Variants in C1S observed in about 807,000 individuals in gnomAD.
C1S encodes complement C1s.
In C1S, 31 loss-of-function variants were observed where a neutral mutation model predicts 54.0. The ratio of observed to expected loss-of-function variants is 0.57; its 90% CI spans 0.43 to 0.78. The LOEUF is 0.78. Ranked by LOEUF, C1S falls within the 30% of genes least tolerant of loss-of-function variation. C1S has a pLI of 0.00. For missense variants in C1S, 727 were observed against 851.8 expected (o/e 0.85, Z 1.82); for synonymous variants, 292 against 303.6 (o/e 0.96, Z 0.40).
At chr12:7,061,509 C>T (rs1474338670) in intron 1 of C1S, 10 of 345,888 alleles carry the variant, frequency 2.9e-5, no homozygotes, top group Non-Finnish European at 5.1e-5. Context: ...TTCTTGAGGG[C>T]AGGAGAGAGA....
chr12:7,063,889 A>C (rs1315493619), intron 4 of C1S: 3 of 408,834 alleles, frequency 7.3e-6, no homozygotes, highest in African/African-American at 6.2e-5. Context: ...AACCAGGCAT[A>C]GTGGTGGTGC....
chr12:7,065,930 AG>A lies in C1S; in HGVS notation c.834del (p.Gln279LysfsTer41). Reference protein sequence around the residue: ...LDIIFQTDLTGQKKGWKLRYH... With the variant: ...LDIIFQTDLTXQKKGWKLRYH... ...ATATCATCTTCCAAACTGATCTAAC[AG>A]GGCAAAAAAAGGGCTGGAAACTTCG... is the stretch of plus-strand genomic sequence containing the variant. On this transcript the variant is annotated frameshift_variant, in exon 7 of 12. Coordinates refer to ENST00000360817, the MANE Select transcript of C1S (RefSeq NM_001734.5). LOFTEE classifies it high-confidence loss of function. The A allele has an allele frequency of 6.2e-7, 1 of 1,614,058 alleles. No homozygotes were observed. Among genetic ancestry groups the A allele is most frequent in the Non-Finnish European group, 8.5e-7 (1 of 1,179,904 alleles).
In C1S at chr12:7,070,588, A is replaced by G. The variant is rs1555163123; in HGVS notation, c.2004A>G (p.Val668=). 1 of 1,614,172 alleles carries G rather than the reference A, an allele frequency of 6.2e-7. No individual in the cohort carries two copies. Among genetic ancestry groups the G allele is most frequent in the African/African-American group, 1.3e-5 (1 of 75,042 alleles). ...GGACCTATGGGCTCTACACACGGGT[A>G]AAGAACTATGTTGACTGGATAATGA... ...QCGTYGLYTR[V]KNYVDWIMKT... is the part of the protein sequence containing the mutation. Residue 668 remains valine (V), a synonymous_variant, in exon 12 of 12, where the codon GTA becomes GTG. Coordinates refer to ENST00000360817, the MANE Select transcript of C1S (RefSeq NM_001734.5). The surrounding 1 kb of genome is among the most constrained non-coding windows in gnomAD (Gnocchi z 4.9).
At chr12:7,064,566 T>TG (rs34056703) in intron 5 of C1S, among the ~76,000 whole-genome samples, 174 bp downstream of exon 5, 3 of 152,162 alleles carry the variant, frequency 2.0e-5, no homozygotes, top group Admixed American at 2.0e-4. Flanking sequence ...TCAATAGTTT[T>TG]GGGGGTACTG....
chr12:7,064,248 C>T lies in C1S; in HGVS notation c.392-19C>T. On this transcript the variant is annotated intron_variant, in intron 4 of 11. Transcript: ENST00000360817. The stretch of plus-strand genomic sequence containing the variant: ...CTTGGTGTTTGTTCTTGACCTCAGC[C>T]TCTTTCTACTCTTTGTAGACATAAA... 6.2e-7 allele frequency: 1 copy of T among 1,613,784 alleles called. No individual in the cohort carries two copies. Among genetic ancestry groups the T allele is most frequent in the Non-Finnish European group, 8.5e-7 (1 of 1,179,746 alleles).
In C1S at chr12:7,061,767, A is replaced by C. The variant is rs1261781264; in HGVS notation, c.-74-72A>C. On this transcript the variant is annotated intron_variant, in intron 1 of 11. Coordinates refer to ENST00000360817, the MANE Select transcript of C1S (RefSeq NM_001734.5). ...ACCTTTGAAGGTGACACTGAGCCCCAGGTGACGCCGCACCACCAAAGAAGG... is the reference window on the plus strand; with the variant it reads ...ACCTTTGAAGGTGACACTGAGCCCCCGGTGACGCCGCACCACCAAAGAAGG... The C allele has an allele frequency of 1.5e-5, 12 of 804,294 alleles. No homozygotes were observed. In the African/African-American group the frequency reaches 1.9e-4, roughly 13 times the overall value. The allele number at this position is 804,294 out of a possible 1,614,324, so 49.8% of individuals were successfully genotyped here.
At position 7,066,801 on chromosome 12, in the gene C1S, G is replaced by A. The variant is rs1225851755; in HGVS notation, c.987+168G>A. The A allele has an allele frequency of 8.5e-6, 6 of 709,570 alleles. No individual in the cohort carries two copies. The African/African-American group carries it at 8.8e-5, about 10-fold the overall frequency. 44.0% of individuals were successfully genotyped at this position (709,570 alleles called of 1,614,324 possible). On this transcript the variant is annotated intron_variant, in intron 8 of 11. Transcript: ENST00000360817. ...GTTCTCCCTTGTGAGTCATGGAGCT[G>A]CCTGGCCAGCTTGGCATTCTCTCTG...
At chr12:7,065,705 T>G in intron 6 of C1S, 112 bp from the exon 7 acceptor site, 1 of 932,308 alleles carries the variant, frequency 1.1e-6, no homozygotes, top group South Asian at 1.3e-5. Flanking sequence ...GACCCTTATT[T>G]TCTTCTTATT....
Position 7,063,039 on chromosome 12 carries a change from G to A in C1S, c.363G>A (p.Thr121=), listed in dbSNP as rs782348549. The part of the protein sequence containing the change: ...KSDFSNEERF[T]GFAAYYVATD... Reference sequence around the variant, plus strand: ...ACTTTTCCAATGAAGAGCGTTTTACGGGGTTTGCTGCATACTATGTTGCCA... The same window carrying A: ...ACTTTTCCAATGAAGAGCGTTTTACAGGGTTTGCTGCATACTATGTTGCCA... The change falls in exon 4 of 12, where the codon ACG becomes ACA. Residue 121 remains threonine (T), a synonymous_variant. Coordinates refer to ENST00000360817, the MANE Select transcript of C1S (RefSeq NM_001734.5). The A allele has an allele frequency of 1.1e-5, 18 of 1,613,668 alleles. No homozygotes were observed. The highest frequency in any genetic ancestry group is 1.0e-4 in the Admixed American group (6 of 59,998).
chr12:7,062,261 AAC>A, intron 2 of C1S: 2 of 543,158 alleles, frequency 3.7e-6, no homozygotes, highest in Non-Finnish European at 6.3e-6. Flanking sequence ...ACAGAGTGAG[AAC>A]CTGTCTCAAA....
intron 9 of C1S, 182 bp from the exon 10 acceptor site, chr12:7,067,461 G>T: frequency 1.3e-6 from 1 of 761,362 alleles, no homozygotes; most frequent in Non-Finnish European, 2.4e-6. Flanking sequence ...ATCTCAGCGG[G>T]TGAGAGAGCT....
intron 2 of C1S, 131 bp downstream of exon 2, chr12:7,062,048 T>C: frequency 1.1e-6 from 1 of 887,874 alleles, no homozygotes; most frequent in African/African-American, 1.6e-5. Flanking sequence ...GGCGGGAGGA[T>C]TGCTTGAGCC....
chr12:7,068,558 A>C, intron 11 of C1S, 28 bp downstream of exon 11: 1 of 1,514,406 alleles, frequency 6.6e-7, no homozygotes, highest in Non-Finnish European at 9.2e-7. Context: ...TTGGGGAGAG[A>C]TGATAGCCAT....
In C1S at chr12:7,063,030, G is replaced by A; in HGVS notation, c.354G>A (p.Glu118=). 6.2e-7 allele frequency: 1 copy of A among 1,614,008 alleles called. No individual in the cohort carries two copies. Among genetic ancestry groups the A allele is most frequent in the Non-Finnish European group, 8.5e-7 (1 of 1,180,028 alleles). ...VIFKSDFSNE[E]RFTGFAAYYV... ...TTAAGTCAGACTTTTCCAATGAAGA[G>A]CGTTTTACGGGGTTTGCTGCATACT... is the stretch of plus-strand genomic sequence containing the variant. Residue 118 remains glutamate (E), a synonymous_variant, in exon 4 of 12, where the codon GAG becomes GAA. Transcript: ENST00000360817.
chr12:7,066,084 CG>C, intron 7 of C1S, 114 bp downstream of exon 7: 1 of 988,154 alleles, frequency 1.0e-6, no homozygotes, highest in Admixed American at 1.8e-5. Context: ...TCTCAGCTAC[CG>C]AGGGAGGCTG....
At chr12:7,066,191 C>G (rs1555162191) in intron 7 of C1S, 2 of 614,296 alleles carry the variant, frequency 3.3e-6, no homozygotes, top group South Asian at 1.9e-5. Flanking sequence ...AAAAACAAAG[C>G]AACAATAATT....
At position 7,069,894 on chromosome 12, in the gene C1S, G is replaced by T; in HGVS notation, c.1310G>T (p.Arg437Met). 1 of 1,614,180 alleles carries T rather than the reference G, an allele frequency of 6.2e-7. No homozygotes were observed. Among genetic ancestry groups the T allele is most frequent in the Non-Finnish European group, 8.5e-7 (1 of 1,180,032 alleles). The change falls in exon 12 of 12, where the codon AGG becomes ATG. Residue 437 changes from arginine (R) to methionine (M), a missense_variant. Physicochemically the swap from Arg to Met is moderately conservative, Grantham distance 91. Transcript: ENST00000360817. ...VPREPFEEKQ[R>M]IIGGSDADIK... is the part of the protein sequence containing the mutation. ...AGAGAACCCTTTGAAGAAAAACAGA[G>T]GATAATTGGAGGATCCGATGCAGAT...
At position 7,070,801 on chromosome 12, in the gene C1S, G is replaced by C; in HGVS notation, c.*150G>C. On this transcript the variant is annotated 3_prime_UTR_variant, in exon 12 of 12. Coordinates refer to ENST00000360817, the MANE Select transcript of C1S (RefSeq NM_001734.5). The surrounding 1 kb of genome is among the most constrained non-coding windows in gnomAD (Gnocchi z 4.9). The stretch of plus-strand genomic sequence containing the variant: ...TGATTGTTGAGACGCCTTGCTAGAG[G>C]TAGAGTTTGATCATAGAATTGTGCT... 3 of 736,416 alleles carry C rather than the reference G, an allele frequency of 4.1e-6. No individual in the cohort carries two copies. Among genetic ancestry groups the C allele is most frequent in the Non-Finnish European group, 2.3e-6 (1 of 428,280 alleles). 45.6% of individuals were successfully genotyped at this position (736,416 alleles called of 1,614,324 possible).
In C1S at chr12:7,062,549, A is replaced by G. The variant is rs782079161; in HGVS notation, c.80A>G (p.Asn27Ser). Residue 27 changes from asparagine to serine, a missense_variant, in exon 3 of 12, where the codon AAC becomes AGC. By Grantham distance (46) the Asn-to-Ser change is conservative. This residue lies in a region of C1S where 357 missense variants were observed against 365.4 expected (regional missense o/e 0.98). Transcript: ENST00000360817. Reference sequence around the variant, plus strand: ...ATGTATGGGGAGATCCTGTCCCCTAACTATCCTCAGGCATATCCCAGTGAG... The same window carrying G: ...ATGTATGGGGAGATCCTGTCCCCTAGCTATCCTCAGGCATATCCCAGTGAG... The part of the protein sequence containing the change: ...PTMYGEILSP[N>S]YPQAYPSEVE... The G allele has an allele frequency of 9.9e-6, 16 of 1,613,974 alleles. No individual in the cohort carries two copies. The East Asian group carries it at 3.3e-4, about 34-fold the overall frequency.
Sources: gnomAD v4.1 joint callset for allele counts (sites outside exome capture counted in the v4.1 genomes callset) on GRCh38, gnomAD v4.1.1 for gene constraint, gnomAD v4.1.1 regional missense constraint, Gnocchi (gnomAD v3.1) non-coding constraint, MANE v1.5 for transcripts, NCBI Gene and HGNC (gene_info 2026-07-23, HGNC 2026-07-21) for gene names.